Variants in CHST11 observed in about 807,000 individuals in gnomAD.
CHST11 encodes carbohydrate sulfotransferase 11, also known as C4S-1.
CHST11 carries 9 observed loss-of-function variants against 30.4 expected under a neutral mutation model. That is an observed-to-expected ratio of 0.30 (90% CI 0.18 to 0.52). The LOEUF (loss-of-function observed/expected upper bound fraction) is 0.52. Ranked by LOEUF, CHST11 falls within the 20% of genes least tolerant of loss-of-function variation. The pLI is 0.97. For missense variants in CHST11, 348 were observed against 460.6 expected (o/e 0.76, Z 2.24); for synonymous variants, 152 against 187.8 (o/e 0.81, Z 1.56).
chr12:104,602,690 A>G (rs143873281), intron 2 of CHST11, among the ~76,000 whole-genome samples: 175 of 152,338 alleles, frequency 1.1e-3, no homozygotes, highest in Non-Finnish European at 2.1e-3. Flanking sequence ...TTGTAGGAAC[A>G]TTAATTAGCA....
At chr12:104,500,362 C>T (rs2037841051) in intron 1 of CHST11, among the ~76,000 whole-genome samples, 1 of 152,094 alleles carries the variant, frequency 6.6e-6, no homozygotes, top group South Asian at 2.1e-4. Flanking sequence ...CCCAGCTTGG[C>T]GATGAGTGGC....
chr12:104,602,017 T>G, intron 2 of CHST11, 26 bp downstream of exon 2: 1 of 1,507,330 alleles, frequency 6.6e-7, no homozygotes, highest in Non-Finnish European at 8.9e-7. Context: ...TCTGTCAGCA[T>G]GTGAATTTTT....
At chr12:104,680,449 G>A (rs896377620) in intron 2 of CHST11, among the ~76,000 whole-genome samples, 2 of 152,200 alleles carry the variant, frequency 1.3e-5, no homozygotes, top group African/African-American at 4.8e-5. Context: ...CATGTGGCCA[G>A]GCAGGCACAC....
intron 1 of CHST11, among the ~76,000 whole-genome samples, chr12:104,511,709 C>T (rs1238059119): frequency 6.6e-6 from 1 of 152,214 alleles, no homozygotes; most frequent in Non-Finnish European, 1.5e-5. Flanking sequence ...TCTATCCTTG[C>T]AGAGCCTCAG....
At chr12:104,639,227 T>C (rs539233437) in intron 2 of CHST11, among the ~76,000 whole-genome samples, 1 of 152,292 alleles carries the variant, frequency 6.6e-6, no homozygotes, top group African/African-American at 2.4e-5. Context: ...TTCACATAGT[T>C]TGAAGTATAA....
chr12:104,638,295 T>C (rs1053996447), intron 2 of CHST11, among the ~76,000 whole-genome samples: 2 of 146,398 alleles, frequency 1.4e-5, no homozygotes, highest in Non-Finnish European at 3.0e-5. Flanking sequence ...ACTTTCATTT[T>C]GTATATGTGT....
intron 2 of CHST11, among the ~76,000 whole-genome samples, chr12:104,695,581 G>A (rs921570906): frequency 8.5e-5 from 13 of 152,142 alleles, no homozygotes; most frequent in East Asian, 1.9e-4. Flanking sequence ...AGCTGCAAGC[G>A]GGGAGCTTCC....
intron 1 of CHST11, among the ~76,000 whole-genome samples, chr12:104,465,329 G>A (rs574403388): frequency 6.6e-6 from 1 of 152,326 alleles, no homozygotes; most frequent in African/African-American, 2.4e-5. Context: ...GTATTTGTCT[G>A]ATTAACGATG....
At chr12:104,638,187 A>G (rs887330010) in intron 2 of CHST11, among the ~76,000 whole-genome samples, 1 of 152,222 alleles carries the variant, frequency 6.6e-6, no homozygotes. Context: ...GCTGGAGGAA[A>G]AGAAGGAGGA....
chr12:104,568,332 C>T (rs1388770529), intron 1 of CHST11, among the ~76,000 whole-genome samples: 1 of 152,202 alleles, frequency 6.6e-6, no homozygotes, highest in Non-Finnish European at 1.5e-5. Context: ...CAGTGGCCCC[C>T]CTCCCACTGT....
At chr12:104,554,270 A>T (rs1592760265) in intron 1 of CHST11, among the ~76,000 whole-genome samples, 1 of 152,142 alleles carries the variant, frequency 6.6e-6, no homozygotes, top group Admixed American at 6.5e-5. Context: ...TCTTTCCACC[A>T]TAGATAACAA....
At chr12:104,566,545 GAGGAC>G (rs2038568713) in intron 1 of CHST11, among the ~76,000 whole-genome samples, 3 of 152,180 alleles carry the variant, frequency 2.0e-5, no homozygotes, top group African/African-American at 7.2e-5. Context: ...ACTTTCACCT[GAGGAC>G]CTGTGGGGTG....
chr12:104,547,796 C>T (rs879003023), intron 1 of CHST11, among the ~76,000 whole-genome samples: 1 of 151,868 alleles, frequency 6.6e-6, no homozygotes, highest in African/African-American at 2.4e-5. Context: ...GTATCTATCT[C>T]GTGAATTTAT....
chr12:104,686,670 G>A lies in CHST11; in HGVS notation c.205-70279G>A, dbSNP rs895834412. 7.9e-5 allele frequency among the ~76,000 whole-genome samples: 12 copies of A among 152,182 alleles called. No homozygotes were observed. In the East Asian group the frequency reaches 9.7e-4, roughly 12 times the overall value. On this transcript the variant is annotated intron_variant, in intron 2 of 2. Transcript: ENST00000303694. ...TTGTTTTGTTTGTTTGGTTGGAGAC[G>A]GAGTTTCATTCTTGTTGCCCAGGCT...
At chr12:104,609,665 T>C (rs1231311533) in intron 2 of CHST11, among the ~76,000 whole-genome samples, 1 of 152,222 alleles carries the variant, frequency 6.6e-6, no homozygotes. Flanking sequence ...GCCTTGGTTA[T>C]CTGTAAAATC....
chr12:104,691,802 A>G (rs1255060057), intron 2 of CHST11, among the ~76,000 whole-genome samples: 1 of 152,156 alleles, frequency 6.6e-6, no homozygotes, highest in Non-Finnish European at 1.5e-5. Context: ...GGCACAATTT[A>G]ACACAGGTAT....
intron 2 of CHST11, among the ~76,000 whole-genome samples, chr12:104,636,633 G>A (rs1018409628): frequency 1.4e-4 from 22 of 151,990 alleles, no homozygotes; most frequent in African/African-American, 5.1e-4. Context: ...TGTGAGTCTC[G>A]GCTCTGCTAC....
chr12:104,680,261 C>T (rs11112164), intron 2 of CHST11, among the ~76,000 whole-genome samples: 3,305 of 152,352 alleles, frequency 0.022, 128 homozygotes, highest in East Asian at 0.19. Context: ...TTAAGCCACG[C>T]TCTTGCCTCT....
At chr12:104,717,913 G>A (rs1293448520) in intron 2 of CHST11, among the ~76,000 whole-genome samples, 1 of 152,130 alleles carries the variant, frequency 6.6e-6, no homozygotes, top group East Asian at 1.9e-4. Flanking sequence ...TTGTGCCACT[G>A]CACTCCAGCC....
Sources: allele counts gnomAD v4.1 joint callset (sites outside exome capture counted in the v4.1 genomes callset), GRCh38; gene constraint gnomAD v4.1.1; transcripts MANE v1.5; gene names NCBI Gene and HGNC (gene_info 2026-07-23, HGNC 2026-07-21).